The following MCCC2 variants were observed in gnomAD, a reference collection of about 807,000 sequenced individuals.
The protein encoded by MCCC2 is methylcrotonoyl-CoA carboxylase beta chain, mitochondrial.
Under a neutral mutation model 77.2 loss-of-function variants are expected in MCCC2, and 52 were observed. The ratio of observed to expected loss-of-function variants is 0.67; its 90% CI spans 0.54 to 0.85. The LOEUF is 0.85. Ranked by LOEUF, MCCC2 falls within the 40% of genes least tolerant of loss-of-function variation. The pLI is 0.00. For synonymous variants in MCCC2, 253 were observed against 248.4 expected, an observed-to-expected ratio of 1.02 and a Z score of -0.18; for missense variants, 682 against 703.2, an observed-to-expected ratio of 0.97 and a Z score of 0.34.
At chr5:71,603,048 C>T (rs1745505973) in intron 5 of MCCC2, 1 of 167,006 alleles carries the variant, frequency 6.0e-6, no homozygotes, top group Non-Finnish European at 1.3e-5. Flanking sequence ...ATTTAATTTC[C>T]AGTGAAAGTA....
At chr5:71,637,034 A>G (rs922145152) in intron 10 of MCCC2, among the ~76,000 whole-genome samples, 11 of 152,084 alleles carry the variant, frequency 7.2e-5, no homozygotes, top group Non-Finnish European at 1.6e-4. Flanking sequence ...GTGAGCCACC[A>G]CACCTGGCCA....
At chr5:71,598,388 G>A (rs544008613) in intron 3 of MCCC2, among the ~76,000 whole-genome samples, 3 of 151,688 alleles carry the variant, frequency 2.0e-5, no homozygotes, top group Non-Finnish European at 2.9e-5. Context: ...TGTTTCTAAA[G>A]CCTTTAGAAG....
At position 71,621,944 on chromosome 5, in the gene MCCC2, A is replaced by G. The variant is rs919503053; in HGVS notation, c.625-4696A>G. On this transcript the variant is annotated intron_variant, in intron 6 of 16. Coordinates refer to ENST00000340941, the MANE Select transcript of MCCC2 (RefSeq NM_022132.5). ...TGGATAAATGCTTGAGGGGATAGATACCCATTCTTCATGATGTGCTTATCT... is the reference window on the plus strand; with the variant it reads ...TGGATAAATGCTTGAGGGGATAGATGCCCATTCTTCATGATGTGCTTATCT... 3.3e-5 allele frequency among the ~76,000 whole-genome samples: 5 copies of G among 152,120 alleles called. No individual in the cohort carries two copies. In the East Asian group the frequency reaches 7.7e-4, roughly 23 times the overall value.
In MCCC2 at chr5:71,641,057, G is replaced by A. The variant is rs765438239; in HGVS notation, c.1054G>A (p.Gly352Arg). Reference protein sequence around the residue: ...SRFTEFKAFYGDTLVTGFARI... With the variant: ...SRFTEFKAFYRDTLVTGFARI... ...ATTCACTGAGTTCAAAGCCTTTTATGGAGACACATTAGTTACAGGTATAAA... is the reference window on the plus strand; with the variant it reads ...ATTCACTGAGTTCAAAGCCTTTTATAGAGACACATTAGTTACAGGTATAAA... Residue 352 changes from glycine (G) to arginine (R), a missense_variant, in exon 11 of 17, where the codon GGA (glycine) becomes AGA (arginine). Transcript: ENST00000340941. 1.2e-6 allele frequency: 2 copies of A among 1,613,874 alleles called. No homozygotes were observed. Among genetic ancestry groups the A allele is most frequent in the South Asian group, 1.1e-5 (1 of 91,080 alleles).
At chr5:71,611,450 C>G (rs1233632338) in intron 6 of MCCC2, among the ~76,000 whole-genome samples, 1 of 152,094 alleles carries the variant, frequency 6.6e-6, no homozygotes, top group Non-Finnish European at 1.5e-5. Context: ...TTTGTTAGAG[C>G]AAAAGTTAGA....
intron 7 of MCCC2, among the ~76,000 whole-genome samples, chr5:71,630,007 G>A (rs905514572): frequency 1.3e-5 from 2 of 152,044 alleles, no homozygotes; most frequent in Admixed American, 1.3e-4. Flanking sequence ...TTTGTCTAAG[G>A]GTCAGTAGTT....
At chr5:71,627,441 C>A (rs1006683611) in intron 7 of MCCC2, among the ~76,000 whole-genome samples, 1 of 152,078 alleles carries the variant, frequency 6.6e-6, no homozygotes, top group African/African-American at 2.4e-5. Flanking sequence ...GAATAATATT[C>A]CATTGTATGG....
At chr5:71,633,057 G>A (rs1184412676) in intron 8 of MCCC2, among the ~76,000 whole-genome samples, 1 of 138,648 alleles carries the variant, frequency 7.2e-6, no homozygotes, top group East Asian at 2.1e-4. Flanking sequence ...GAGTAATTGG[G>A]AAACAATTGA....
At chr5:71,633,131 A>ATATATTTTTTTTTTTTTTT (rs1554137344) in intron 8 of MCCC2, among the ~76,000 whole-genome samples, 3 of 78,086 alleles carry the variant, frequency 3.8e-5, no homozygotes, top group Non-Finnish European at 7.3e-5. Flanking sequence ...ATATATATAT[A>ATATATTTTTTTTTTTTTTT]TTTTTATTTT....
In MCCC2 at chr5:71,614,029, T is replaced by TACACACACACACACAC. The variant is rs35292468; in HGVS notation, c.624+9567_624+9582dup. Among the ~76,000 whole-genome samples, 380 of 148,392 alleles carry TACACACACACACACAC rather than the reference T, an allele frequency of 2.6e-3. 2 individuals carry two copies. The highest frequency in any genetic ancestry group is 4.1e-3 in the Admixed American group (61 of 14,752). ...TTCATATTATGTATAACGTATATAA[T>TACACACACACACACAC]ACACACACACACACACACACATATA... is the stretch of plus-strand genomic sequence containing the variant. On this transcript the variant is annotated intron_variant, in intron 6 of 16. Coordinates refer to ENST00000340941, the MANE Select transcript of MCCC2 (RefSeq NM_022132.5).
chr5:71,633,252 C>T (rs1746805405), intron 8 of MCCC2, among the ~76,000 whole-genome samples: 1 of 151,148 alleles, frequency 6.6e-6, no homozygotes, highest in South Asian at 2.1e-4. Context: ...GAGTGAGCCA[C>T]TGCACCTGGA....
chr5:71,624,693 CTTTTT>C (rs36140678), intron 6 of MCCC2, among the ~76,000 whole-genome samples: 45 of 101,858 alleles, frequency 4.4e-4, no homozygotes, highest in Admixed American at 1.0e-3. Context: ...TTCTTTCTTT[CTTTTT>C]TTTTTTTTTT....
In MCCC2 at chr5:71,610,310, G is replaced by A. The variant is rs554355082; in HGVS notation, c.624+5842G>A. On this transcript the variant is annotated intron_variant, in intron 6 of 16. Coordinates refer to ENST00000340941, the MANE Select transcript of MCCC2 (RefSeq NM_022132.5). ...AGCTGGTCCGAAAAGCGCAATATTC[G>A]GGTGGGAGTGACCCGATTTTCCAGG... 3.9e-5 allele frequency among the ~76,000 whole-genome samples: 6 copies of A among 152,290 alleles called. No homozygotes were observed. In the East Asian group the frequency reaches 5.8e-4, roughly 15 times the overall value.
At chr5:71,611,008 A>G (rs1338235416) in intron 6 of MCCC2, among the ~76,000 whole-genome samples, 3 of 152,114 alleles carry the variant, frequency 2.0e-5, no homozygotes, top group Non-Finnish European at 4.4e-5. Flanking sequence ...ACAGGTTTTT[A>G]AAAGGAAAAC....
Position 71,657,003 on chromosome 5 carries a change from CAGTG to C in MCCC2, c.*146_*149del, listed in dbSNP as rs1390524724. The C allele has an allele frequency of 4.6e-6, 3 of 646,622 alleles. No homozygotes were observed. Among genetic ancestry groups the C allele is most frequent in the African/African-American group, 1.8e-5 (1 of 54,474 alleles). 40.1% of individuals were successfully genotyped at this position (646,622 alleles called of 1,614,324 possible). A position where few individuals can be genotyped will look rare whatever the true frequency, so the allele number is the denominator to read the frequency against. The stretch of plus-strand genomic sequence containing the variant: ...TTGTACTTTTCTACCTTAAAAAAAT[CAGTG>C]AGGATATTTATTTAATGAACATCAA... On this transcript the variant is annotated 3_prime_UTR_variant, in exon 17 of 17. Coordinates refer to ENST00000340941, the MANE Select transcript of MCCC2 (RefSeq NM_022132.5).
rs543337948 is a variant in MCCC2, at chr5:71,653,383, T to TC, written c.1574+630dup. On this transcript the variant is annotated intron_variant, in intron 16 of 16. Coordinates refer to ENST00000340941, the MANE Select transcript of MCCC2 (RefSeq NM_022132.5). ...AGACCTGCTGGTGCCTGCTTTCACA[T>TC]CTTTCTTCAACAACTTTAGTGTTCT... is the stretch of plus-strand genomic sequence containing the variant. 2.6e-3 allele frequency among the ~76,000 whole-genome samples: 393 copies of TC among 152,282 alleles called. 3 individuals are homozygous for TC. Among genetic ancestry groups the TC allele is most frequent in the African/African-American group, 8.5e-3 (353 of 41,568 alleles).
rs150848319 is a variant in MCCC2 at position 71,600,077 on chromosome 5, A to G, written c.383+317A>G. Among the ~76,000 whole-genome samples, 341 of 152,214 alleles carry G rather than the reference A, an allele frequency of 2.2e-3. 3 individuals are homozygous for G. Among genetic ancestry groups the G allele is most frequent in the African/African-American group, 7.8e-3 (325 of 41,548 alleles). On this transcript the variant is annotated intron_variant, in intron 4 of 16. Transcript: ENST00000340941. ...CTACTTGGGAGGCTGAGGCAGGAGA[A>G]TCGCTTGAACCTGGGAGGCAGAAGT... is the stretch of plus-strand genomic sequence containing the variant.
At chr5:71,644,078 T>TGC (rs1747214215) in intron 12 of MCCC2, among the ~76,000 whole-genome samples, 183 bp downstream of exon 12, 1 of 148,904 alleles carries the variant, frequency 6.7e-6, no homozygotes, top group South Asian at 2.1e-4. Context: ...TGTGCGCGCG[T>TGC]GTGTATATAT....
Position 71,643,870 on chromosome 5 carries a change from TTC to T in MCCC2, c.1128_1129del (p.Ser378Ter), listed in dbSNP as rs940145667. On this transcript the variant is annotated frameshift_variant, in exon 12 of 17. Transcript: ENST00000340941. LOFTEE classifies it high-confidence loss of function. Reference sequence around the variant, plus strand: ...GTAGGTATCGTTGGAAACAACGGAGTTCTCTTTTCTGAATCTGCAAAAAAGGC... The same window carrying T: ...GTAGGTATCGTTGGAAACAACGGAGTTCTTTTCTGAATCTGCAAAAAAGGC... 6.2e-7 allele frequency: 1 copy of T among 1,613,990 alleles called. No homozygotes were observed. Among genetic ancestry groups the T allele is most frequent in the African/African-American group, 1.3e-5 (1 of 74,918 alleles).
Sources: allele counts gnomAD v4.1 joint callset (sites outside exome capture counted in the v4.1 genomes callset), GRCh38; gene constraint gnomAD v4.1.1; transcripts MANE v1.5; gene names NCBI Gene and HGNC (gene_info 2026-07-23, HGNC 2026-07-21).